Variants in CPLX2 observed in about 807,000 individuals in gnomAD.
CPLX2 encodes complexin-2.
In CPLX2, 5 loss-of-function variants were observed where a neutral mutation model predicts 16.3. The ratio of observed to expected loss-of-function variants is 0.31; its 90% CI spans 0.16 to 0.64. CPLX2 has a LOEUF of 0.64. Ranked by LOEUF, CPLX2 falls within the 30% of genes least tolerant of loss-of-function variation. The probability of loss-of-function intolerance (pLI) is 0.79; values close to 1 mark genes in which losing one functional copy is unlikely to be tolerated. For synonymous variants in CPLX2, 89 were observed against 73.2 expected, an observed-to-expected ratio of 1.22 and a Z score of -1.10; for missense variants, 144 against 181.4, an observed-to-expected ratio of 0.79 and a Z score of 1.18.
chr5:175,868,494 C>A (rs531379371), upstream of CPLX2, among the ~76,000 whole-genome samples: 1 of 152,292 alleles, frequency 6.6e-6, no homozygotes, highest in South Asian at 2.1e-4. Context: ...AAATTCAGCT[C>A]CAGTCAGGAT....
At chr5:175,824,343 A>G (rs577631297) in intron 2 of CPLX2, among the ~76,000 whole-genome samples, 12 of 152,244 alleles carry the variant, frequency 7.9e-5, no homozygotes, top group Non-Finnish European at 1.3e-4. Context: ...GCTAAGAAAT[A>G]TAGCAAGCAA....
intron 1 of CPLX2, among the ~76,000 whole-genome samples, chr5:175,803,297 C>T (rs147683832): frequency 2.9e-4 from 44 of 152,254 alleles, no homozygotes; most frequent in South Asian, 1.5e-3. Context: ...ACAGGGAAGA[C>T]GAAGACAAGG....
intron 1 of CPLX2, among the ~76,000 whole-genome samples, chr5:175,802,714 G>C (rs1030620228): frequency 2.0e-5 from 3 of 152,236 alleles, no homozygotes; most frequent in African/African-American, 7.2e-5. Flanking sequence ...TCTTGAGCAA[G>C]TCCCACCATC....
chr5:175,798,107 G>A (rs1229960860), intron 1 of CPLX2, among the ~76,000 whole-genome samples: 1 of 152,186 alleles, frequency 6.6e-6, no homozygotes, highest in Non-Finnish European at 1.5e-5. Context: ...CATTCATAGA[G>A]AAGTCTTTTA....
intron 1 of CPLX2, among the ~76,000 whole-genome samples, chr5:175,877,225 T>C (rs1436611090): frequency 6.6e-6 from 1 of 151,162 alleles, no homozygotes; most frequent in African/African-American, 2.4e-5. Flanking sequence ...GTTTTGCTTT[T>C]TTTTTTTTTT....
intron 2 of CPLX2, among the ~76,000 whole-genome samples, chr5:175,862,224 C>G (rs905508569): frequency 2.0e-5 from 3 of 152,206 alleles, no homozygotes; most frequent in African/African-American, 7.2e-5. Context: ...GGACTCCCTC[C>G]TCTTCAGTGA....
Position 175,880,543 on chromosome 5 carries a change from C to A in CPLX2, c.*498C>A, listed in dbSNP as rs573353566. ...TCCCGGGAAGGCCCAGGCTGAGAGG[C>A]CCTGGCTCTGGCCAGGCTGGGATCT... On this transcript the variant is annotated 3_prime_UTR_variant, in exon 4 of 4. Transcript: ENST00000393745. The A allele has an allele frequency of 4.2e-3, 773 of 182,522 alleles. 9 individuals are homozygous for A. Among genetic ancestry groups the A allele is most frequent in the Middle Eastern group, 0.015 (6 of 392 alleles). The allele number at this position is 182,522 out of a possible 1,614,324, so 11.3% of individuals were successfully genotyped here.
At chr5:175,864,806 C>T (rs1166721835) in intron 2 of CPLX2, among the ~76,000 whole-genome samples, 1 of 152,126 alleles carries the variant, frequency 6.6e-6, no homozygotes, top group Non-Finnish European at 1.5e-5. Flanking sequence ...TAAAGCAATG[C>T]TTGGCACACT....
chr5:175,880,325 T>C lies in CPLX2; in HGVS notation c.*280T>C, dbSNP rs1193756590. 6.1e-6 allele frequency: 3 copies of C among 491,690 alleles called. No homozygotes were observed. Among genetic ancestry groups the C allele is most frequent in the Non-Finnish European group, 3.7e-6 (1 of 267,438 alleles). The allele number at this position is 491,690 out of a possible 1,614,324, so 30.5% of individuals were successfully genotyped here. ...CTCAGGAAGCCTAAGGTCGTGCTAG[T>C]GTGGTGACCCCCATACATTCCTCCC... On this transcript the variant is annotated 3_prime_UTR_variant, in exon 4 of 4. Coordinates refer to ENST00000393745, the MANE Select transcript of CPLX2 (RefSeq NM_001008220.2).
At chr5:175,813,538 G>A (rs1430274692) in intron 2 of CPLX2, among the ~76,000 whole-genome samples, 1 of 152,262 alleles carries the variant, frequency 6.6e-6, no homozygotes, top group East Asian at 1.9e-4. Context: ...TAGGGGCCCA[G>A]GCCCAGTCGG....
intron 2 of CPLX2, among the ~76,000 whole-genome samples, chr5:175,815,479 C>A (rs942398688): frequency 6.6e-6 from 1 of 152,186 alleles, no homozygotes; most frequent in African/African-American, 2.4e-5. Flanking sequence ...CCAGCAGTTA[C>A]CACACAGGCA....
intron 1 of CPLX2, among the ~76,000 whole-genome samples, chr5:175,801,169 A>AAAAAC (rs1581064062): frequency 6.6e-6 from 1 of 151,722 alleles, no homozygotes; most frequent in Admixed American, 6.6e-5. Flanking sequence ...GTTAAAAAAA[A>AAAAAC]AAAAAAACTG....
chr5:175,806,270 G>A (rs1008202956), intron 1 of CPLX2, among the ~76,000 whole-genome samples: 7 of 150,966 alleles, frequency 4.6e-5, no homozygotes, highest in African/African-American at 1.5e-4. Flanking sequence ...TGCATCCCCC[G>A]TGTCTTTGCA....
intron 2 of CPLX2, among the ~76,000 whole-genome samples, chr5:175,837,039 G>T (rs1758852096): frequency 3.9e-5 from 6 of 152,210 alleles, no homozygotes. Context: ...GTATCCCAAA[G>T]GAGTCAGGGG....
At chr5:175,857,018 T>C (rs950898046) in intron 2 of CPLX2, among the ~76,000 whole-genome samples, 1 of 152,178 alleles carries the variant, frequency 6.6e-6, no homozygotes, top group African/African-American at 2.4e-5. Flanking sequence ...AGAACTGAAC[T>C]AGGGACTCAT....
chr5:175,814,392 C>T (rs1411269705), intron 2 of CPLX2, among the ~76,000 whole-genome samples: 1 of 152,236 alleles, frequency 6.6e-6, no homozygotes, highest in Non-Finnish European at 1.5e-5. Flanking sequence ...GGATCTGAAA[C>T]AGACCCTAGG....
rs1175546157 is a variant in CPLX2, at chr5:175,833,113, G to A, written c.-89+24045G>A. On this transcript the variant is annotated intron_variant, in intron 2 of 4. Transcript: ENST00000359546. ...GGATGTTGCAATGAGCTGAGATCGC[G>A]CCACCGTGCTCCAGCCTAGATGACA... is the stretch of plus-strand genomic sequence containing the variant. Among the ~76,000 whole-genome samples, 4 of 146,618 alleles carry A rather than the reference G, an allele frequency of 2.7e-5. No individual in the cohort carries two copies. In the East Asian group the frequency reaches 8.5e-4, roughly 31 times the overall value.
Position 175,860,403 on chromosome 5 carries a change from C to CA in CPLX2, c.-88-18241dup, listed in dbSNP as rs202078075. ...GTGCCATTGCTCTCCAGTTCTGTCT[C>CA]AAAAAAAATAAAGAAAGGAAGGAAG... On this transcript the variant is annotated intron_variant, in intron 2 of 4. Coordinates refer to the CPLX2 transcript ENST00000359546. Among the ~76,000 whole-genome samples the CA allele has an allele frequency of 5.2e-3, 637 of 123,110 alleles. 4 individuals are homozygous for CA. Among genetic ancestry groups the CA allele is most frequent in the African/African-American group, 0.019 (611 of 31,386 alleles). 80.8% of individuals were successfully genotyped at this position (123,110 alleles called of 152,430 possible).
At chr5:175,826,362 G>A (rs149960860) in intron 2 of CPLX2, among the ~76,000 whole-genome samples, 72 of 152,278 alleles carry the variant, frequency 4.7e-4, no homozygotes, top group Middle Eastern at 3.4e-3. Context: ...GGGCAGGAGC[G>A]CAAGGCTGGG....
Sources: allele counts gnomAD v4.1 joint callset (sites outside exome capture counted in the v4.1 genomes callset), GRCh38; gene constraint gnomAD v4.1.1; transcripts MANE v1.5; gene names NCBI Gene and HGNC (gene_info 2026-07-23, HGNC 2026-07-21).